ABCB10: variants seen among roughly 807,000 people sequenced by gnomAD.
The protein encoded by ABCB10 is ATP-binding cassette sub-family B member 10, mitochondrial.
Under a neutral mutation model 65.4 loss-of-function variants are expected in ABCB10, and 54 were observed. The ratio of observed to expected loss-of-function variants is 0.83; its 90% CI spans 0.66 to 1.04. ABCB10 has a LOEUF of 1.04. ABCB10 is among the 50% of genes least tolerant of loss of function. The probability of loss-of-function intolerance (pLI) is 0.00; values close to 1 mark genes in which losing one functional copy is unlikely to be tolerated. For missense variants in ABCB10, 846 were observed against 976.6 expected, an observed-to-expected ratio of 0.87 and a Z score of 1.78; for synonymous variants, 418 against 406.5, an observed-to-expected ratio of 1.03 and a Z score of -0.34.
intron 6 of ABCB10, chr1:229,535,053 A>AAAAAAC: frequency 6.8e-6 from 1 of 146,966 alleles, no homozygotes; most frequent in African/African-American, 2.6e-5. Flanking sequence ...AAAAAAAAAA[A>AAAAAAC]AAAAAAAAAA....
rs781300607 is a variant in ABCB10, at chr1:229,518,182, T to G, written c.2214A>C (p.Ala738=). The change falls in exon 13 of 13, where the codon GCA becomes GCC. Residue 738 remains alanine, a synonymous_variant. Coordinates refer to ENST00000344517, the MANE Select transcript of ABCB10 (RefSeq NM_012089.3). ...KLMNKQSFIS[A] is the part of the protein sequence containing the mutation. Reference sequence around the variant, plus strand: ...TTGTTTACCAGTAATTGCTTCCTTATGCTGAAATAAAACTTTGTTTGTTCA... The same window carrying G: ...TTGTTTACCAGTAATTGCTTCCTTAGGCTGAAATAAAACTTTGTTTGTTCA... 6.2e-7 allele frequency: 1 copy of G among 1,612,364 alleles called. No individual in the cohort carries two copies.
intron 8 of ABCB10, among the ~76,000 whole-genome samples, chr1:229,528,213 C>T (rs1234148479): frequency 6.6e-6 from 1 of 152,212 alleles, no homozygotes; most frequent in Admixed American, 6.5e-5. Flanking sequence ...CTACACATGG[C>T]AGACATTTAA....
At chr1:229,526,234 A>C (rs1662441835) in intron 9 of ABCB10, 118 bp from the exon 10 acceptor site, 1 of 1,069,898 alleles carries the variant, frequency 9.3e-7, no homozygotes, top group South Asian at 1.7e-5. Flanking sequence ...GGATTTTATC[A>C]TCTGTAGTTC....
intron 6 of ABCB10, among the ~76,000 whole-genome samples, chr1:229,535,530 T>G (rs945120860): frequency 6.6e-5 from 10 of 152,130 alleles, no homozygotes; most frequent in Admixed American, 1.3e-4. Flanking sequence ...GGCATAACCA[T>G]GGAAACAGTA....
rs1014084572 is a variant in ABCB10 at position 229,531,552 on chromosome 1, T to C, written c.1435+84A>G. On this transcript the variant is annotated intron_variant, in intron 7 of 12. Transcript: ENST00000344517. Reference sequence around the variant, plus strand: ...ATCCTTACTGTGGCTCATCCCTCACTCCCTTGCAGACAGGGGAAGAGCTGG... The same window carrying C: ...ATCCTTACTGTGGCTCATCCCTCACCCCCTTGCAGACAGGGGAAGAGCTGG... 5.9e-6 allele frequency: 8 copies of C among 1,360,690 alleles called. No homozygotes were observed. In the African/African-American group the frequency reaches 1.0e-4, roughly 17 times the overall value. The allele number at this position is 1,360,690 out of a possible 1,614,324, so 84.3% of individuals were successfully genotyped here. A position where few individuals can be genotyped will look rare whatever the true frequency, so the allele number is the denominator to read the frequency against.
chr1:229,534,673 A>G (rs931846323), intron 6 of ABCB10, among the ~76,000 whole-genome samples: 1 of 151,946 alleles, frequency 6.6e-6, no homozygotes, highest in Admixed American at 6.6e-5. Context: ...GTTCAAGATC[A>G]GCCTGGCCAA....
chr1:229,539,336 T>A, intron 6 of ABCB10, 120 bp downstream of exon 6: 32 of 1,428,484 alleles, frequency 2.2e-5, no homozygotes, highest in Non-Finnish European at 3.1e-5. Flanking sequence ...AATAATAACA[T>A]TCTAGGAAAT....
At chr1:229,522,174 C>G (rs952263242) in intron 10 of ABCB10, among the ~76,000 whole-genome samples, 3 of 151,874 alleles carry the variant, frequency 2.0e-5, no homozygotes, top group Non-Finnish European at 2.9e-5. Flanking sequence ...CAGGCATTTT[C>G]TATATGCACT....
At chr1:229,558,070 G>A (rs749549956) in intron 1 of ABCB10, 66 bp downstream of exon 1, 68 of 1,267,394 alleles carry the variant, frequency 5.4e-5, no homozygotes, top group Non-Finnish European at 6.6e-5. Flanking sequence ...CCCTCTCGGC[G>A]CCCCGGGACC....
In ABCB10 at chr1:229,537,260, T is replaced by C. The variant is rs80260551; in HGVS notation, c.1339+2196A>G. 3.2e-3 allele frequency among the ~76,000 whole-genome samples: 487 copies of C among 152,352 alleles called. 1 individual carries two copies. The highest frequency in any genetic ancestry group is 0.011 in the African/African-American group (470 of 41,584). Reference sequence around the variant, plus strand: ...GCATTATGAATGTACTAAACACCACTGAATTGTAAACTTGAAAATGGTTAG... The same window carrying C: ...GCATTATGAATGTACTAAACACCACCGAATTGTAAACTTGAAAATGGTTAG... On this transcript the variant is annotated intron_variant, in intron 6 of 12. Transcript: ENST00000344517.
At chr1:229,518,726 G>C in intron 12 of ABCB10, 115 bp downstream of exon 12, 2 of 952,882 alleles carry the variant, frequency 2.1e-6, no homozygotes, top group Non-Finnish European at 3.2e-6. Flanking sequence ...TAGAGTAAAG[G>C]GGGGAAAAAG....
intron 8 of ABCB10, among the ~76,000 whole-genome samples, chr1:229,528,953 C>T (rs1300394413): frequency 1.3e-5 from 2 of 151,940 alleles, no homozygotes; most frequent in Admixed American, 6.6e-5. Context: ...ATGTTATAAT[C>T]CAGTTAAAAA....
chr1:229,543,015 C>T (rs910793142), intron 3 of ABCB10, among the ~76,000 whole-genome samples: 13 of 151,550 alleles, frequency 8.6e-5, no homozygotes, highest in South Asian at 2.1e-4. Flanking sequence ...CCTGTAATCC[C>T]AGCTACTCGG....
In ABCB10 at chr1:229,525,949, ACC is replaced by A; in HGVS notation, c.1891_1892del (p.Gly631CysfsTer28). On this transcript the variant is annotated frameshift_variant, in exon 10 of 13. Coordinates refer to ENST00000344517, the MANE Select transcript of ABCB10 (RefSeq NM_012089.3). LOFTEE classifies it high-confidence loss of function. ...QGFNTVVGEKGVLLSGGQKQR... is the reference protein window; with the variant it reads ...QGFNTVVGEKXVLLSGGQKQR... ...AAAGAAATGCACCTGAGAGGAGAAC[ACC>A]CTTTTCTCCAACCACAGTGTTGAAC... 1 of 1,613,048 alleles carries A rather than the reference ACC, an allele frequency of 6.2e-7. No homozygotes were observed. The highest frequency in any genetic ancestry group is 2.2e-5 in the East Asian group (1 of 44,842).
intron 10 of ABCB10, among the ~76,000 whole-genome samples, chr1:229,523,563 C>G (rs3767327): frequency 0.21 from 31,912 of 152,022 alleles, 3,510 homozygotes; most frequent in Middle Eastern, 0.28. Context: ...ATTGGTGAGG[C>G]TGTCTGAGTG....
At chr1:229,542,086 T>C (rs1662862845) in intron 4 of ABCB10, 151 bp downstream of exon 4, 1 of 1,090,038 alleles carries the variant, frequency 9.2e-7, no homozygotes, top group Non-Finnish European at 1.2e-6. Context: ...CAGAGTAGTT[T>C]AAGTTTCATG....
At chr1:229,550,533 A>T (rs1663083054) in intron 1 of ABCB10, among the ~76,000 whole-genome samples, 1 of 148,986 alleles carries the variant, frequency 6.7e-6, no homozygotes. Flanking sequence ...TCCAAAAAAA[A>T]AAAAAAAAAA....
chr1:229,551,256 G>A (rs544800669), intron 1 of ABCB10, among the ~76,000 whole-genome samples: 3 of 152,126 alleles, frequency 2.0e-5, no homozygotes, highest in Non-Finnish European at 2.9e-5. Context: ...CCCCAAAAAG[G>A]CCTGCTCTGA....
chr1:229,552,541 A>C (rs1316297543), intron 1 of ABCB10, among the ~76,000 whole-genome samples: 3 of 152,268 alleles, frequency 2.0e-5, no homozygotes, highest in African/African-American at 4.8e-5. Context: ...AGAAAGGGGA[A>C]GGAAAATCTG....
Sources: allele counts gnomAD v4.1 joint callset (sites outside exome capture counted in the v4.1 genomes callset), GRCh38; gene constraint gnomAD v4.1.1; transcripts MANE v1.5; gene names NCBI Gene and HGNC (gene_info 2026-07-23, HGNC 2026-07-21).